TG: variants seen among roughly 807,000 people sequenced by gnomAD.
TG encodes thyroid hormones.
A neutral mutation model predicts 324.7 loss-of-function variants in TG; 270 were observed. The observed-to-expected ratio is 0.83, with a 90% CI of 0.75 to 0.92. The LOEUF is 0.92. TG is among the 40% of genes least tolerant of loss of function. TG has a pLI of 0.00. For synonymous variants in TG, 1,401 were observed against 1,327.0 expected (o/e 1.06, Z -1.21); for missense variants, 3,591 against 3,456.4 (o/e 1.04, Z -0.98).
chr8:133,102,319 G>A (rs1849360312), intron 43 of TG: 1 of 469,880 alleles, frequency 2.1e-6, no homozygotes, highest in Non-Finnish European at 3.8e-6. Flanking sequence ...ACAAACACAT[G>A]CAGTGCAGCT....
chr8:132,869,694 ATC>A, intron 2 of TG, 33 bp from the exon 3 acceptor site: 1 of 1,596,642 alleles, frequency 6.3e-7, no homozygotes, highest in Non-Finnish European at 8.6e-7. Flanking sequence ...TTGGGGGCCC[ATC>A]CCAGGGTCAC....
chr8:133,091,138 A>T (rs1847447984), intron 41 of TG, among the ~76,000 whole-genome samples: 1 of 152,258 alleles, frequency 6.6e-6, no homozygotes, highest in Non-Finnish European at 1.5e-5. Flanking sequence ...GGCACACAGG[A>T]TGTGCTACTT....
chr8:133,003,676 GC>G lies in TG; in HGVS notation c.6263-8222del, dbSNP rs947852648. Among the ~76,000 whole-genome samples, 7 of 152,164 alleles carry G rather than the reference GC, an allele frequency of 4.6e-5. No homozygotes were observed. The South Asian group carries it at 8.3e-4, about 18-fold the overall frequency. On this transcript the variant is annotated intron_variant, in intron 35 of 47. Coordinates refer to ENST00000220616, the MANE Select transcript of TG (RefSeq NM_003235.5). ...AGAAGTGCCTCCATGTCACCCAGAG[GC>G]CCGCCTGTGCAGAGACTGCAGCTGT...
intron 40 of TG, among the ~76,000 whole-genome samples, chr8:133,029,456 C>T (rs1021836770): frequency 2.0e-5 from 3 of 152,176 alleles, no homozygotes; most frequent in Non-Finnish European, 4.4e-5. Context: ...TTGGCCAAGA[C>T]AGTGGTGGAC....
At chr8:132,894,285 G>A (rs764732142) in intron 11 of TG, among the ~76,000 whole-genome samples, 1 of 152,104 alleles carries the variant, frequency 6.6e-6, no homozygotes, top group Non-Finnish European at 1.5e-5. Flanking sequence ...AGGGATTCAG[G>A]AACACCACAC....
intron 41 of TG, among the ~76,000 whole-genome samples, chr8:133,085,350 C>T (rs1241050194): frequency 6.6e-6 from 1 of 152,152 alleles, no homozygotes; most frequent in African/African-American, 2.4e-5. Context: ...AAAATAGATA[C>T]ATCGGATTTC....
intron 5 of TG, among the ~76,000 whole-genome samples, chr8:132,879,066 C>A (rs991576734): frequency 2.6e-5 from 4 of 152,208 alleles, no homozygotes; most frequent in Admixed American, 2.6e-4. Flanking sequence ...CAGTGAATCA[C>A]TACTGACAGT....
At chr8:132,964,798 A>T (rs1294343846) in intron 29 of TG, 1 of 675,764 alleles carries the variant, frequency 1.5e-6, no homozygotes, top group Non-Finnish European at 2.7e-6. Flanking sequence ...CAGCCACTGC[A>T]TGACAGTGTG....
At chr8:133,022,182 C>A (rs769242203) in intron 40 of TG, 32 bp downstream of exon 40, 2 of 1,613,662 alleles carry the variant, frequency 1.2e-6, no homozygotes, top group Admixed American at 1.7e-5. Context: ...GAGCTGCTGA[C>A]CCCCTGAGCC....
chr8:132,927,501 T>G (rs1822051990), intron 22 of TG, among the ~76,000 whole-genome samples: 1 of 152,236 alleles, frequency 6.6e-6, no homozygotes, highest in Admixed American at 6.5e-5. Flanking sequence ...CCGTTAAGTA[T>G]AAATTGGATA....
chr8:133,002,194 G>A lies in TG; in HGVS notation c.6263-9707G>A, dbSNP rs367619234. 5.1e-6 allele frequency: 5 copies of A among 985,452 alleles called. No individual in the cohort carries two copies. The East Asian group carries it at 5.7e-4, about 112-fold the overall frequency. 61.0% of individuals were successfully genotyped at this position (985,452 alleles called of 1,614,324 possible). ...TTCCGCCTGTTTTTCAAATGAGGGA[G>A]GCAATGGCCAGAGCAGAAGCTCACC... is the stretch of plus-strand genomic sequence containing the variant. On this transcript the variant is annotated intron_variant, in intron 35 of 47. Transcript: ENST00000220616.
chr8:133,074,821 C>A, intron 41 of TG: 3 of 983,718 alleles, frequency 3.0e-6, no homozygotes, highest in Non-Finnish European at 3.6e-6. Flanking sequence ...AGTCTCTCCC[C>A]ACCCCATCTC....
chr8:132,919,871 C>G (rs2132451064), intron 21 of TG, among the ~76,000 whole-genome samples: 2 of 152,346 alleles, frequency 1.3e-5, no homozygotes, highest in Admixed American at 1.3e-4. Flanking sequence ...GGCCCTGGGC[C>G]AGGCATTTTA....
chr8:132,978,736 G>A (rs1184303370), intron 34 of TG, among the ~76,000 whole-genome samples: 1 of 152,166 alleles, frequency 6.6e-6, no homozygotes, highest in Non-Finnish European at 1.5e-5. Flanking sequence ...TAGGCAGTAG[G>A]TAGAGAGGAG....
chr8:132,983,690 T>C, intron 35 of TG: 1 of 535,902 alleles, frequency 1.9e-6, no homozygotes, highest in South Asian at 2.1e-5. Flanking sequence ...CCAGTTTTCA[T>C]TTTAAGGATT....
In TG at chr8:132,886,587, C is replaced by T; in HGVS notation, c.1215C>T (p.Ala405=). 6.2e-7 allele frequency: 1 copy of T among 1,614,220 alleles called. No individual in the cohort carries two copies. Among genetic ancestry groups the T allele is most frequent in the African/African-American group, 1.3e-5 (1 of 75,058 alleles). ...RWASPRVARF[A]TSCPPTIKEL... Reference sequence around the variant, plus strand: ...CCTCTCCAAGAGTAGCCAGATTTGCCACATCCTGCCCACCCACGATCAAGG... The same window carrying T: ...CCTCTCCAAGAGTAGCCAGATTTGCTACATCCTGCCCACCCACGATCAAGG... Residue 405 remains alanine (A), a synonymous_variant, in exon 9 of 48, where the codon GCC becomes GCT. Transcript: ENST00000220616.
chr8:133,121,198 C>T (rs934837646), intron 45 of TG, among the ~76,000 whole-genome samples: 1 of 152,134 alleles, frequency 6.6e-6, no homozygotes, highest in African/African-American at 2.4e-5. Flanking sequence ...AGGAATGAGT[C>T]CTTTCTACTT....
intron 41 of TG, among the ~76,000 whole-genome samples, chr8:133,072,678 A>G (rs1844244553): frequency 6.6e-6 from 1 of 152,268 alleles, no homozygotes; most frequent in Admixed American, 6.5e-5. Flanking sequence ...ATTTAGGTGC[A>G]CTAGAATGAA....
chr8:133,027,441 G>A (rs929365059), intron 40 of TG, among the ~76,000 whole-genome samples: 2 of 152,236 alleles, frequency 1.3e-5, no homozygotes, highest in Non-Finnish European at 1.5e-5. Flanking sequence ...GGGGCAAAGA[G>A]TGTGCCTGTG....
Sources: gnomAD v4.1 joint callset for allele counts (sites outside exome capture counted in the v4.1 genomes callset) on GRCh38, gnomAD v4.1.1 for gene constraint, MANE v1.5 for transcripts, NCBI Gene and HGNC (gene_info 2026-07-23, HGNC 2026-07-21) for gene names.